Variants in PTPRN2 observed in about 807,000 individuals in gnomAD.
The protein encoded by PTPRN2 is protein tyrosine phosphatase receptor type N2.
PTPRN2 carries 74 observed loss-of-function variants against 118.8 expected under a neutral mutation model. The observed-to-expected ratio is 0.62, with a 90% confidence interval of 0.52 to 0.76. The LOEUF (loss-of-function observed/expected upper bound fraction) is 0.76. Ranked by LOEUF, PTPRN2 falls within the 30% of genes least tolerant of loss-of-function variation. The pLI is 0.00. For missense variants in PTPRN2, 1,481 were observed against 1,394.4 expected, an observed-to-expected ratio of 1.06 and a Z score of -0.99; for synonymous variants, 641 against 608.0, an observed-to-expected ratio of 1.05 and a Z score of -0.80.
Position 158,526,296 on chromosome 7 carries a change from A to G in PTPRN2, c.113-36511T>C, listed in dbSNP as rs10949731. ...ACCTGTGGCGGCGAAGGGAACTGACACCACTCCTTCCCGGTGAGCTCGGCA... is the reference window on the plus strand; with the variant it reads ...ACCTGTGGCGGCGAAGGGAACTGACGCCACTCCTTCCCGGTGAGCTCGGCA... On this transcript the variant is annotated intron_variant, in intron 1 of 22. Transcript: ENST00000389418. The surrounding 1 kb of genome is among the most constrained non-coding windows in gnomAD (Gnocchi z 5.2). Among the ~76,000 whole-genome samples the G allele has an allele frequency of 0.47, 71,305 of 151,926 alleles. 17,021 individuals carry two copies. The highest frequency in any genetic ancestry group is 0.68 in the East Asian group (3,496 of 5,128).
In PTPRN2 at chr7:158,546,443, G is replaced by T. The variant is rs776838927; in HGVS notation, c.112+41115C>A. ...CCGGAATGGTGCTGGAATCACAGCC[G>T]CCGGGTTAAGGGGCTCATGGCGGAG... On this transcript the variant is annotated intron_variant, in intron 1 of 22. Coordinates refer to ENST00000389418, the MANE Select transcript of PTPRN2 (RefSeq NM_002847.5). This position sits in a 1 kb window ranked among gnomAD's most constrained non-coding sequence, Gnocchi z 5.0. 1.3e-5 allele frequency among the ~76,000 whole-genome samples: 2 copies of T among 152,210 alleles called. No individual in the cohort carries two copies. Among genetic ancestry groups the T allele is most frequent in the African/African-American group, 4.8e-5 (2 of 41,452 alleles).
Position 157,994,205 on chromosome 7 carries a change from G to C in PTPRN2, c.1723+87093C>G, listed in dbSNP as rs576540155. Among the ~76,000 whole-genome samples, 18 of 152,292 alleles carry C rather than the reference G, an allele frequency of 1.2e-4. 1 individual carries two copies. Among genetic ancestry groups the C allele is most frequent in the Admixed American group, 5.2e-4 (8 of 15,306 alleles). On this transcript the variant is annotated intron_variant, in intron 11 of 22. Transcript: ENST00000389418. ...TCTAGAGGAGAAAATACCGATGCAGGTCAGGGCAGGTGACTCGCTCTGAGC... is the reference window on the plus strand; with the variant it reads ...TCTAGAGGAGAAAATACCGATGCAGCTCAGGGCAGGTGACTCGCTCTGAGC...
At chr7:157,796,356 G>A (rs985513413) in intron 12 of PTPRN2, among the ~76,000 whole-genome samples, 10 of 151,978 alleles carry the variant, frequency 6.6e-5, no homozygotes, top group Admixed American at 6.6e-4. Flanking sequence ...TGACATCCCT[G>A]TGGGGCCTTG....
chr7:158,087,254 G>T (rs2128938604), intron 10 of PTPRN2, among the ~76,000 whole-genome samples: 1 of 152,332 alleles, frequency 6.6e-6, no homozygotes, highest in South Asian at 2.1e-4. Context: ...AGGGAGCCTG[G>T]TTGCTTTCCT....
Position 158,192,311 on chromosome 7 carries a change from G to A in PTPRN2, c.549+16C>T, listed in dbSNP as rs769163279. On this transcript the variant is annotated intron_variant, in intron 5 of 22. Coordinates refer to ENST00000389418, the MANE Select transcript of PTPRN2 (RefSeq NM_002847.5). Reference sequence around the variant, plus strand: ...GAAAAGCCAACCCCGGCCCGGGGAGGAAGTGGAAGGGTCACCTCAGCGGGG... The same window carrying A: ...GAAAAGCCAACCCCGGCCCGGGGAGAAAGTGGAAGGGTCACCTCAGCGGGG... The A allele has an allele frequency of 2.1e-6, 3 of 1,453,754 alleles. No homozygotes were observed. The African/African-American group carries it at 4.5e-5, about 22-fold the overall frequency. The allele number at this position is 1,453,754 out of a possible 1,614,324, so 90.1% of individuals were successfully genotyped here. A position where few individuals can be genotyped will look rare whatever the true frequency, so the allele number is the denominator to read the frequency against.
At chr7:158,490,679 G>A (rs73180231) in intron 1 of PTPRN2, among the ~76,000 whole-genome samples, 6,391 of 152,372 alleles carry the variant, frequency 0.042, 171 homozygotes, top group Non-Finnish European at 0.06. Context: ...GGCCAGGTGT[G>A]GTGTGAACGC....
chr7:158,010,013 G>A (rs963552096), intron 11 of PTPRN2, among the ~76,000 whole-genome samples: 1 of 152,100 alleles, frequency 6.6e-6, no homozygotes, highest in African/African-American at 2.4e-5. Context: ...GCCTTTGCCT[G>A]CCCCAGACCC....
intron 2 of PTPRN2, among the ~76,000 whole-genome samples, chr7:158,382,123 G>T (rs1402060973): frequency 6.6e-6 from 1 of 152,212 alleles, no homozygotes; most frequent in Non-Finnish European, 1.5e-5. Flanking sequence ...GGAGAGAAAT[G>T]GTGGGCAGGA....
intron 2 of PTPRN2, among the ~76,000 whole-genome samples, chr7:158,431,753 C>T (rs1816216607): frequency 6.8e-6 from 1 of 147,910 alleles, no homozygotes. Context: ...CACACTGGCT[C>T]ACAATGGCTC....
chr7:157,638,748 C>G (rs1804486906), intron 14 of PTPRN2, among the ~76,000 whole-genome samples: 1 of 152,196 alleles, frequency 6.6e-6, no homozygotes, highest in Non-Finnish European at 1.5e-5. Context: ...GGTCACTCTT[C>G]TTGCTGGGAC....
chr7:158,421,726 CGCA>C (rs1815272169), intron 2 of PTPRN2, among the ~76,000 whole-genome samples: 1 of 152,098 alleles, frequency 6.6e-6, no homozygotes, highest in East Asian at 1.9e-4. Context: ...TAGTTTTCTC[CGCA>C]GCATGTTCTG....
At chr7:157,694,723 A>T (rs1293386365) in intron 12 of PTPRN2, among the ~76,000 whole-genome samples, 1 of 152,086 alleles carries the variant, frequency 6.6e-6, no homozygotes, top group Non-Finnish European at 1.5e-5. Context: ...GACTAGATTC[A>T]GCTAATTTGA....
At chr7:158,276,251 AGCACCCCCACAC>A (rs1327998669) in intron 3 of PTPRN2, among the ~76,000 whole-genome samples, 4 of 30,998 alleles carry the variant, frequency 1.3e-4, no homozygotes, top group African/African-American at 2.7e-4. Flanking sequence ...CGGTCCTGGT[AGCACCCCCACAC>A]TCTGGCCCCA....
chr7:158,397,984 C>T (rs995765423), intron 2 of PTPRN2, among the ~76,000 whole-genome samples: 2 of 152,032 alleles, frequency 1.3e-5, no homozygotes, highest in African/African-American at 4.8e-5. Context: ...GAGGGTGGAA[C>T]CAAAGCAGGG....
intron 2 of PTPRN2, among the ~76,000 whole-genome samples, chr7:158,359,496 C>G (rs777354806): frequency 1.3e-5 from 2 of 152,164 alleles, no homozygotes; most frequent in Non-Finnish European, 2.9e-5. Context: ...CAGGTCAACA[C>G]GAAGGCCTGC....
intron 2 of PTPRN2, among the ~76,000 whole-genome samples, chr7:158,461,864 G>C (rs1339847500): frequency 7.5e-6 from 1 of 133,652 alleles, no homozygotes; most frequent in Non-Finnish European, 1.6e-5. Context: ...TCTTTAGTGT[G>C]GGTTCCTACA....
intron 12 of PTPRN2, among the ~76,000 whole-genome samples, chr7:157,826,710 G>C (rs1425729064): frequency 6.6e-6 from 1 of 152,184 alleles, no homozygotes; most frequent in Non-Finnish European, 1.5e-5. Context: ...AGCGGAGCCT[G>C]GCGGGGACTT....
chr7:158,452,594 C>A (rs1818159309), intron 2 of PTPRN2, among the ~76,000 whole-genome samples: 1 of 152,224 alleles, frequency 6.6e-6, no homozygotes, highest in Non-Finnish European at 1.5e-5. Flanking sequence ...TGTGGCATCT[C>A]AAGGTGACCT....
chr7:158,294,125 A>T (rs1002255689), intron 3 of PTPRN2, among the ~76,000 whole-genome samples: 1 of 152,228 alleles, frequency 6.6e-6, no homozygotes, highest in African/African-American at 2.4e-5. Flanking sequence ...AATTCACTGC[A>T]CTGTGACATC....
Sources: gnomAD v4.1 joint callset for allele counts (sites outside exome capture counted in the v4.1 genomes callset) on GRCh38, gnomAD v4.1.1 for gene constraint, Gnocchi (gnomAD v3.1) non-coding constraint, MANE v1.5 for transcripts, NCBI Gene and HGNC (gene_info 2026-07-23, HGNC 2026-07-21) for gene names.